The following MYO6 variants were observed in gnomAD, a reference collection of about 807,000 sequenced individuals.
MYO6 encodes the protein unconventional myosin-VI.
A neutral mutation model predicts 178.7 loss-of-function variants in MYO6; 74 were observed. That is an observed-to-expected ratio of 0.41 (90% CI 0.34 to 0.50). The LOEUF is 0.50. MYO6 is among the 20% of genes least tolerant of loss of function. The pLI, the probability that MYO6 is intolerant of heterozygous loss-of-function variation, is 0.09. For synonymous variants in MYO6, 477 were observed against 504.6 expected, an observed-to-expected ratio of 0.95 and a Z score of 0.73; for missense variants, 1,330 against 1,547.4, an observed-to-expected ratio of 0.86 and a Z score of 2.36.
intron 1 of MYO6, among the ~76,000 whole-genome samples, chr6:75,801,595 A>G (rs1769461212): frequency 6.6e-6 from 1 of 152,154 alleles, no homozygotes; most frequent in Non-Finnish European, 1.5e-5. Context: ...CTGTCTTCAA[A>G]GCATGTTGTG....
chr6:75,827,228 TGTA>T (rs201034345), intron 3 of MYO6, among the ~76,000 whole-genome samples: 1,800 of 152,198 alleles, frequency 0.012, 50 homozygotes, highest in Admixed American at 0.063. Flanking sequence ...AGATAGTAGT[TGTA>T]GTGGTGGTGG....
intron 30 of MYO6, 85 bp downstream of exon 30, chr6:75,898,496 G>A: frequency 9.3e-7 from 1 of 1,080,100 alleles, no homozygotes; most frequent in South Asian, 1.3e-5. Context: ...ACCAGAACCT[G>A]TTACATGAGT....
At chr6:75,901,346 T>G (rs186739523) in intron 30 of MYO6, among the ~76,000 whole-genome samples, 1 of 152,246 alleles carries the variant, frequency 6.6e-6, no homozygotes, top group Admixed American at 6.5e-5. Flanking sequence ...TTTCACGATA[T>G]TGATTCTTCC....
intron 1 of MYO6, among the ~76,000 whole-genome samples, chr6:75,756,937 GTGTGTATATA>G (rs1232661005): frequency 6.5e-5 from 9 of 138,400 alleles, no homozygotes; most frequent in South Asian, 2.3e-4. Context: ...ACCATATATA[GTGTGTATATA>G]TGTGTATATA....
At chr6:75,778,611 AT>A (rs1253081819) in intron 1 of MYO6, among the ~76,000 whole-genome samples, 7 of 151,042 alleles carry the variant, frequency 4.6e-5, no homozygotes, top group African/African-American at 9.8e-5. Context: ...AAAAAAAAAA[AT>A]TTTTTTTCTG....
In MYO6 at chr6:75,825,549, C is replaced by T. The variant is rs138820120; in HGVS notation, c.187+2698C>T. Reference sequence around the variant, plus strand: ...CGGAGATTGCAGTGAGCCGAGATCACGCTGTTGCACTACAGCCTGGGTGAC... The same window carrying T: ...CGGAGATTGCAGTGAGCCGAGATCATGCTGTTGCACTACAGCCTGGGTGAC... On this transcript the variant is annotated intron_variant, in intron 3 of 34. Transcript: ENST00000369977. Among the ~76,000 whole-genome samples the T allele has an allele frequency of 5.9e-4, 90 of 152,272 alleles. 1 individual carries two copies. In the East Asian group the frequency reaches 0.014, roughly 23 times the overall value.
chr6:75,869,246 C>G (rs1240449936), intron 18 of MYO6, among the ~76,000 whole-genome samples: 1 of 151,968 alleles, frequency 6.6e-6, no homozygotes, highest in Admixed American at 6.6e-5. Flanking sequence ...AAGTGGGATA[C>G]AACTGTATTT....
intron 1 of MYO6, among the ~76,000 whole-genome samples, chr6:75,813,877 A>G (rs1026860269): frequency 2.0e-5 from 3 of 151,786 alleles, no homozygotes; most frequent in South Asian, 2.1e-4. Flanking sequence ...CCTGTTCTCT[A>G]TTCTACTGGG....
intron 28 of MYO6, among the ~76,000 whole-genome samples, chr6:75,894,339 A>T (rs755485743): frequency 1.3e-5 from 2 of 152,200 alleles, no homozygotes; most frequent in African/African-American, 4.8e-5. Context: ...ATGGGACCAT[A>T]TTAAGTAATG....
chr6:75,886,897 A>G lies in MYO6; in HGVS notation c.2561A>G (p.Asn854Ser), dbSNP rs74807875. The G allele has an allele frequency of 1.5e-5, 24 of 1,613,826 alleles. No individual in the cohort carries two copies. In the African/African-American group the frequency reaches 2.3e-4, roughly 15 times the overall value. ...CTGAAAAAACGACTTGATAAATTTA[A>G]TGAGGTAGTCAGTGTGTTGAAAGAT... The part of the protein sequence containing the change: ...GTLKKRLDKF[N>S]EVVSVLKDGK... The change falls in exon 25 of 35, where the codon AAT becomes AGT. Residue 854 changes from asparagine (N) to serine (S), a missense_variant. Physicochemically the swap from Asn to Ser is conservative, Grantham distance 46 (BLOSUM62 1). Transcript: ENST00000369977.
At chr6:75,761,596 C>CACACACAT (rs1172657842) in intron 1 of MYO6, among the ~76,000 whole-genome samples, 16 of 142,524 alleles carry the variant, frequency 1.1e-4, no homozygotes, top group African/African-American at 4.5e-4. Context: ...TGTTAGAACA[C>CACACACAT]ACACACACAC....
chr6:75,885,097 A>G (rs1383694495), intron 23 of MYO6, among the ~76,000 whole-genome samples: 1 of 152,252 alleles, frequency 6.6e-6, no homozygotes, highest in African/African-American at 2.4e-5. Flanking sequence ...AGGAATGAAC[A>G]AGGACAGCTT....
At chr6:75,876,247 A>C (rs1777561187) in intron 20 of MYO6, among the ~76,000 whole-genome samples, 1 of 152,146 alleles carries the variant, frequency 6.6e-6, no homozygotes, top group Non-Finnish European at 1.5e-5. Context: ...TGTAGTTACA[A>C]ATTTTATACA....
At chr6:75,762,862 A>G (rs1298152919) in intron 1 of MYO6, among the ~76,000 whole-genome samples, 1 of 152,156 alleles carries the variant, frequency 6.6e-6, no homozygotes, top group Non-Finnish European at 1.5e-5. Context: ...GTAAAGTTTT[A>G]TGTAAATAAT....
intron 20 of MYO6, among the ~76,000 whole-genome samples, chr6:75,875,314 AC>A (rs1777490017): frequency 6.6e-6 from 1 of 152,260 alleles, no homozygotes; most frequent in Admixed American, 6.5e-5. Flanking sequence ...TTATTCTGTT[AC>A]CCAGGCTGGA....
intron 3 of MYO6, 118 bp from the exon 4 acceptor site, chr6:75,828,422 A>C: frequency 1.5e-6 from 1 of 685,418 alleles, no homozygotes; most frequent in Non-Finnish European, 2.6e-6. Flanking sequence ...AGATGGAGTT[A>C]AATGTAACCT....
intron 6 of MYO6, among the ~76,000 whole-genome samples, chr6:75,833,414 C>T (rs2150224244): frequency 6.6e-6 from 1 of 152,186 alleles, no homozygotes; most frequent in East Asian, 1.9e-4. Flanking sequence ...GTACCATCTC[C>T]AGAACTTTCA....
At position 75,915,862 on chromosome 6, in the gene MYO6, A is replaced by G. The variant is rs1260427042; in HGVS notation, c.*850A>G. 1 of 152,640 alleles carries G rather than the reference A, an allele frequency of 6.6e-6. No homozygotes were observed. Among genetic ancestry groups the G allele is most frequent in the Non-Finnish European group, 1.5e-5 (1 of 68,028 alleles). 9.5% of individuals were successfully genotyped at this position (152,640 alleles called of 1,614,324 possible). The stretch of plus-strand genomic sequence containing the variant: ...AATATTCTTTCAACTTCATCTCAAT[A>G]GTGATTTTTGTATCAGAATCTTGTC... On this transcript the variant is annotated 3_prime_UTR_variant, in exon 35 of 35. Transcript: ENST00000369977.
intron 30 of MYO6, among the ~76,000 whole-genome samples, chr6:75,907,192 TG>T (rs1780393729): frequency 2.0e-5 from 3 of 152,232 alleles, no homozygotes. Flanking sequence ...GCAGCCTCAT[TG>T]CTCATAAACA....
Sources: allele counts gnomAD v4.1 joint callset (sites outside exome capture counted in the v4.1 genomes callset), GRCh38; gene constraint gnomAD v4.1.1; transcripts MANE v1.5; gene names NCBI Gene and HGNC (gene_info 2026-07-23, HGNC 2026-07-21).